Variants in ZEB1 observed in about 807,000 individuals in gnomAD.
ZEB1 encodes the protein zinc finger E-box binding homeobox 1.
In ZEB1, 21 loss-of-function variants were observed where a neutral mutation model predicts 84.9. That is an observed-to-expected ratio of 0.25 (90% confidence interval 0.18 to 0.36). The LOEUF (loss-of-function observed/expected upper bound fraction) is 0.36. ZEB1 is among the 10% of genes least tolerant of loss of function. The pLI, the probability that ZEB1 is intolerant of heterozygous loss-of-function variation, is 1.00. For missense variants in ZEB1, 1,104 were observed against 1,330.2 expected (o/e 0.83, Z 2.65); for synonymous variants, 420 against 471.1 (o/e 0.89, Z 1.41).
At chr10:31,480,469 T>C (rs180930519) in intron 2 of ZEB1, among the ~76,000 whole-genome samples, 7 of 152,190 alleles carry the variant, frequency 4.6e-5, no homozygotes, top group African/African-American at 7.2e-5. Context: ...TAGAAAAGAT[T>C]GAGCACATGG....
intron 2 of ZEB1, among the ~76,000 whole-genome samples, chr10:31,473,779 TG>T (rs2063640094): frequency 6.6e-6 from 1 of 150,424 alleles, no homozygotes; most frequent in South Asian, 2.1e-4. Flanking sequence ...AGAACAAAGC[TG>T]GAGGCATCAC....
chr10:31,474,854 A>G (rs2063838872), intron 2 of ZEB1, among the ~76,000 whole-genome samples: 1 of 152,208 alleles, frequency 6.6e-6, no homozygotes, highest in Admixed American at 6.5e-5. Context: ...AAGGTGGCAC[A>G]TATACACCAT....
intron 1 of ZEB1, among the ~76,000 whole-genome samples, chr10:31,398,853 C>A (rs567273762): frequency 6.6e-6 from 1 of 152,196 alleles, no homozygotes; most frequent in Admixed American, 6.5e-5. Flanking sequence ...TTCTTGCCTC[C>A]CCATCTCCAA....
At position 31,520,957 on chromosome 10, in the gene ZEB1, T is replaced by A; in HGVS notation, c.1625T>A (p.Ile542Asn). ...CLLCDDCPGD[I>N]NALPELKHYD... ...CTGTGTGATGATTGTCCAGGAGATA[T>A]TAATGCACTTCCAGAATTAAAGCAC... is the stretch of plus-strand genomic sequence containing the variant. The change falls in exon 7 of 9, where the codon ATT (isoleucine) becomes AAT (asparagine). Residue 542 changes from isoleucine to asparagine, a missense_variant. By Grantham distance (149) the Ile-to-Asn change is moderately radical. This residue lies in a region of ZEB1 where 531 missense variants were observed against 575.2 expected (regional missense o/e 0.92). Transcript: ENST00000424869. The surrounding 1 kb of genome is among the most constrained non-coding windows in gnomAD (Gnocchi z 5.1). The A allele has an allele frequency of 6.2e-7, 1 of 1,614,108 alleles. No homozygotes were observed. The highest frequency in any genetic ancestry group is 8.5e-7 in the Non-Finnish European group (1 of 1,180,010).
chr10:31,339,693 C>G (rs551160450), intron 1 of ZEB1, among the ~76,000 whole-genome samples: 3 of 151,534 alleles, frequency 2.0e-5, no homozygotes, highest in African/African-American at 7.3e-5. Context: ...TCGCTTGAAC[C>G]GGGGAGGCAG....
At chr10:31,508,023 A>T (rs1448189913) in intron 4 of ZEB1, among the ~76,000 whole-genome samples, 3 of 152,090 alleles carry the variant, frequency 2.0e-5, no homozygotes, top group Non-Finnish European at 2.9e-5. Flanking sequence ...TACATGTGGT[A>T]GTGTAATTTC....
chr10:31,461,683 G>C (rs2061838923), intron 2 of ZEB1, among the ~76,000 whole-genome samples: 1 of 152,082 alleles, frequency 6.6e-6, no homozygotes, highest in Non-Finnish European at 1.5e-5. Context: ...AATCCTTTAA[G>C]TAAGGTGGTT....
intron 1 of ZEB1, among the ~76,000 whole-genome samples, chr10:31,458,887 T>C (rs7894637): frequency 0.25 from 37,751 of 152,038 alleles, 10,373 homozygotes; most frequent in African/African-American, 0.69. Flanking sequence ...TTTATGTATA[T>C]AGATGCCCCT....
At chr10:31,352,063 A>T (rs1314701408) in intron 1 of ZEB1, among the ~76,000 whole-genome samples, 1 of 152,232 alleles carries the variant, frequency 6.6e-6, no homozygotes, top group Admixed American at 6.5e-5. Flanking sequence ...AATTCATAAT[A>T]CATAGGATAC....
intron 1 of ZEB1, among the ~76,000 whole-genome samples, chr10:31,441,865 T>C (rs1033285639): frequency 1.6e-4 from 24 of 152,068 alleles, no homozygotes; most frequent in African/African-American, 2.4e-4. Flanking sequence ...GAGATACCAT[T>C]TCACACCAGT....
At chr10:31,507,344 C>T (rs938595986) in intron 4 of ZEB1, among the ~76,000 whole-genome samples, 4 of 152,094 alleles carry the variant, frequency 2.6e-5, no homozygotes, top group Middle Eastern at 3.4e-3. Flanking sequence ...TTTGGGGGTG[C>T]GCTGAGCTTT....
intron 2 of ZEB1, among the ~76,000 whole-genome samples, chr10:31,466,437 C>A (rs755746361): frequency 2.0e-5 from 3 of 152,008 alleles, no homozygotes; most frequent in African/African-American, 7.3e-5. Context: ...TGGCATGAAA[C>A]CATAAATCCG....
At chr10:31,466,161 G>A (rs1041567515) in intron 2 of ZEB1, among the ~76,000 whole-genome samples, 1 of 152,084 alleles carries the variant, frequency 6.6e-6, no homozygotes, top group African/African-American at 2.4e-5. Context: ...GAAATAGATA[G>A]CAGTACAGTA....
chr10:31,366,586 A>T (rs2044543244), intron 1 of ZEB1, among the ~76,000 whole-genome samples: 1 of 152,242 alleles, frequency 6.6e-6, no homozygotes, highest in African/African-American at 2.4e-5. Context: ...ATTTTTGAGC[A>T]GAGAATAAAA....
At chr10:31,381,598 C>T (rs570241909) in intron 1 of ZEB1, 7 of 152,268 alleles carry the variant, frequency 4.6e-5, no homozygotes, top group African/African-American at 1.7e-4. Flanking sequence ...TGAGAAGTCT[C>T]GTCCTACTAA....
intron 1 of ZEB1, chr10:31,387,233 G>C (rs2048786930): frequency 1.0e-6 from 1 of 985,714 alleles, no homozygotes. Context: ...GTGAGAACTT[G>C]ATCAGTTTGT....
At chr10:31,389,998 T>G (rs901798365) in intron 1 of ZEB1, among the ~76,000 whole-genome samples, 8 of 152,144 alleles carry the variant, frequency 5.3e-5, no homozygotes, top group Non-Finnish European at 8.8e-5. Context: ...GCCTCATACA[T>G]GCCAAAATCC....
intron 1 of ZEB1, among the ~76,000 whole-genome samples, chr10:31,454,411 G>A (rs1591460070): frequency 3.9e-5 from 6 of 152,234 alleles, no homozygotes; most frequent in African/African-American, 1.4e-4. Flanking sequence ...TTTCTGGCCA[G>A]GGCAGAGACT....
intron 1 of ZEB1, among the ~76,000 whole-genome samples, chr10:31,444,955 G>C (rs2059569117): frequency 6.6e-6 from 1 of 152,056 alleles, no homozygotes; most frequent in Non-Finnish European, 1.5e-5. Flanking sequence ...TGTGAAGAAA[G>C]TCATTGGTAG....
Sources: gnomAD v4.1 joint callset for allele counts (sites outside exome capture counted in the v4.1 genomes callset) on GRCh38, gnomAD v4.1.1 for gene constraint, gnomAD v4.1.1 regional missense constraint, Gnocchi (gnomAD v3.1) non-coding constraint, MANE v1.5 for transcripts, NCBI Gene and HGNC (gene_info 2026-07-23, HGNC 2026-07-21) for gene names.